TIAM1: variants seen among roughly 807,000 people sequenced by gnomAD.
TIAM1 encodes rho guanine nucleotide exchange factor TIAM1.
In TIAM1, 65 loss-of-function variants were observed where a neutral mutation model predicts 163.5. The ratio of observed to expected loss-of-function variants is 0.40; its 90% CI spans 0.33 to 0.49. TIAM1 has a LOEUF of 0.49. Ranked by LOEUF, TIAM1 falls within the 20% of genes least tolerant of loss-of-function variation. The probability of loss-of-function intolerance (pLI) is 0.77; values close to 1 mark genes in which losing one functional copy is unlikely to be tolerated. For synonymous variants in TIAM1, 833 were observed against 810.1 expected, an observed-to-expected ratio of 1.03 and a Z score of -0.48; for missense variants, 1,789 against 2,044.7, an observed-to-expected ratio of 0.87 and a Z score of 2.41.
chr21:31,524,993 C>T (rs2047729399), intron 1 of TIAM1, among the ~76,000 whole-genome samples: 1 of 151,956 alleles, frequency 6.6e-6, no homozygotes, highest in Admixed American at 6.6e-5. Context: ...GGGGAGGCCT[C>T]AGGAAGCTTC....
At chr21:31,334,095 C>T (rs1055831872) in intron 2 of TIAM1, among the ~76,000 whole-genome samples, 2 of 152,220 alleles carry the variant, frequency 1.3e-5, no homozygotes, top group Admixed American at 6.5e-5. Flanking sequence ...TTTTCCACTT[C>T]GATTCAACCC....
intron 9 of TIAM1, among the ~76,000 whole-genome samples, chr21:31,216,970 G>C (rs142236687): frequency 4.6e-5 from 7 of 152,302 alleles, no homozygotes; most frequent in Non-Finnish European, 7.4e-5. Context: ...CACTTGGGGA[G>C]GCTGAGGCGG....
At chr21:31,537,338 T>C (rs971370290) in intron 1 of TIAM1, among the ~76,000 whole-genome samples, 1 of 151,382 alleles carries the variant, frequency 6.6e-6, no homozygotes, top group African/African-American at 2.4e-5. Context: ...GAAAAAAATA[T>C]AGCAAGGTGT....
rs1348051682 is a variant in TIAM1 at position 31,203,023 on chromosome 21, AAAG to A, written c.2389-14_2389-12del. 8 of 1,525,974 alleles carry A rather than the reference AAAG, an allele frequency of 5.2e-6. No individual in the cohort carries two copies. The African/African-American group carries it at 8.2e-5, about 16-fold the overall frequency. 94.5% of individuals were successfully genotyped at this position (1,525,974 alleles called of 1,614,324 possible). ...ATCCAGTTGATGTGTCTGGGACAAA[AAAG>A]AAAGAAAGAAAGAAAATGTCTGTTC... is the stretch of plus-strand genomic sequence containing the variant. On this transcript the variant is annotated splice_polypyrimidine_tract_variant and intron_variant, in intron 11 of 27. Coordinates refer to ENST00000541036, the MANE Select transcript of TIAM1 (RefSeq NM_001353694.2).
chr21:31,427,801 T>G (rs2043849578), intron 2 of TIAM1, among the ~76,000 whole-genome samples: 1 of 151,998 alleles, frequency 6.6e-6, no homozygotes, highest in Non-Finnish European at 1.5e-5. Flanking sequence ...ACCAGTGCAC[T>G]CCAGCCTGGA....
intron 1 of TIAM1, among the ~76,000 whole-genome samples, chr21:31,484,157 A>G (rs2046200837): frequency 6.6e-6 from 1 of 152,162 alleles, no homozygotes; most frequent in African/African-American, 2.4e-5. Context: ...TGGCTCCCTG[A>G]TCTTGGACTT....
At chr21:31,305,396 G>A (rs1445624508) in intron 2 of TIAM1, among the ~76,000 whole-genome samples, 2 of 150,064 alleles carry the variant, frequency 1.3e-5, no homozygotes, top group Non-Finnish European at 3.0e-5. Flanking sequence ...GGGAAGGAGC[G>A]ATGGGCATTA....
intron 2 of TIAM1, among the ~76,000 whole-genome samples, chr21:31,460,645 G>C (rs555904526): frequency 2.8e-4 from 42 of 152,200 alleles, no homozygotes; most frequent in African/African-American, 9.9e-4. Context: ...AATGAAAAAG[G>C]AAGTGCTACT....
At chr21:31,152,938 A>G (rs942713970) in intron 18 of TIAM1, 128 bp downstream of exon 18, 1 of 1,278,300 alleles carries the variant, frequency 7.8e-7, no homozygotes, top group Non-Finnish European at 1.1e-6. Flanking sequence ...GCAGGCAATA[A>G]TTTCAGCTAG....
chr21:31,400,118 CTCTT>C lies in TIAM1; in HGVS notation c.-368-60700_-368-60697del, dbSNP rs200438521. Among the ~76,000 whole-genome samples, 636 of 151,906 alleles carry C rather than the reference CTCTT, an allele frequency of 4.2e-3. 2 individuals carry two copies. The highest frequency in any genetic ancestry group is 0.013 in the African/African-American group (557 of 41,466). ...TATAAGGGGAAATATAAGGACAACA[CTCTT>C]TTTTTTTTTCCTTTTCTTTTTTTGA... On this transcript the variant is annotated intron_variant, in intron 2 of 28. Coordinates refer to the TIAM1 transcript ENST00000286827.
intron 2 of TIAM1, among the ~76,000 whole-genome samples, chr21:31,354,465 C>A (rs1199288551): frequency 6.6e-6 from 1 of 152,070 alleles, no homozygotes; most frequent in Non-Finnish European, 1.5e-5. Flanking sequence ...AAGGACCCCC[C>A]CTCCACACCC....
At chr21:31,353,835 C>CTTGTTT (rs2076273045) in intron 2 of TIAM1, among the ~76,000 whole-genome samples, 1 of 71,234 alleles carries the variant, frequency 1.4e-5, no homozygotes, top group African/African-American at 5.3e-5. Flanking sequence ...ATTTATTTAT[C>CTTGTTT]TTTTTTTTTT....
chr21:31,547,091 G>A (rs1361307388), intron 1 of TIAM1, among the ~76,000 whole-genome samples: 2 of 152,262 alleles, frequency 1.3e-5, no homozygotes, highest in East Asian at 3.9e-4. Context: ...TGTATCACAG[G>A]CTGAGAAGAC....
In TIAM1 at chr21:31,467,625, C is replaced by CA. The variant is rs532938830; in HGVS notation, c.-421-3591dup. 2.0e-3 allele frequency among the ~76,000 whole-genome samples: 248 copies of CA among 125,552 alleles called. 1 individual carries two copies. The South Asian group carries it at 0.025, about 13-fold the overall frequency. The allele number at this position is 125,552 out of a possible 152,430, so 82.4% of individuals were successfully genotyped here. ...TGGGCAACAAAGTGAGGCTCCATCT[C>CA]AAAAAAAAAAAGAATAAATAAATAA... is the stretch of plus-strand genomic sequence containing the variant. On this transcript the variant is annotated intron_variant, in intron 1 of 28. Transcript: ENST00000286827.
chr21:31,394,708 G>GCTCTCGCT (rs1555967032), intron 2 of TIAM1, among the ~76,000 whole-genome samples: 1 of 105,244 alleles, frequency 9.5e-6, no homozygotes, highest in Non-Finnish European at 1.9e-5. Context: ...TCTCTCTCTC[G>GCTCTCGCT]CTCTCTCTCT....
intron 2 of TIAM1, among the ~76,000 whole-genome samples, chr21:31,430,261 CACACACACACACAT>C (rs2043976031): frequency 6.9e-6 from 1 of 144,350 alleles, no homozygotes; most frequent in Non-Finnish European, 1.5e-5. Context: ...CACACACACA[CACACACACACACAT>C]ATATATATAT....
At chr21:31,534,325 C>G (rs890818927) in intron 1 of TIAM1, among the ~76,000 whole-genome samples, 13 of 152,218 alleles carry the variant, frequency 8.5e-5, no homozygotes, top group African/African-American at 3.1e-4. Context: ...CAACAGGAAA[C>G]TGAGCTCCCT....
At chr21:31,134,078 C>G (rs1469983972) in intron 23 of TIAM1, among the ~76,000 whole-genome samples, 2 of 151,832 alleles carry the variant, frequency 1.3e-5, no homozygotes, top group Non-Finnish European at 2.9e-5. Context: ...CCAGAAAAAC[C>G]AAAAAAACAA....
intron 2 of TIAM1, among the ~76,000 whole-genome samples, chr21:31,337,320 G>T (rs1341759455): frequency 2.6e-5 from 4 of 151,934 alleles, no homozygotes; most frequent in Non-Finnish European, 4.4e-5. Context: ...TGCCCTGGGG[G>T]TATAGAGACT....
Sources: gnomAD v4.1 joint callset for allele counts (sites outside exome capture counted in the v4.1 genomes callset) on GRCh38, gnomAD v4.1.1 for gene constraint, MANE v1.5 for transcripts, NCBI Gene and HGNC (gene_info 2026-07-23, HGNC 2026-07-21) for gene names.